The following HOXB3 variants were observed in gnomAD, a reference collection of about 807,000 sequenced individuals.
The protein encoded by HOXB3 is homeobox B3.
HOXB3 carries 17 observed loss-of-function variants against 29.2 expected under a neutral mutation model. The observed-to-expected ratio is 0.58, with a 90% CI of 0.40 to 0.87. The LOEUF is 0.87. HOXB3 is among the 40% of genes least tolerant of loss of function. The probability of loss-of-function intolerance (pLI) is 0.00; values close to 1 mark genes in which losing one functional copy is unlikely to be tolerated. For missense variants in HOXB3, 637 were observed against 616.3 expected, an observed-to-expected ratio of 1.03 and a Z score of -0.35; for synonymous variants, 317 against 285.9, an observed-to-expected ratio of 1.11 and a Z score of -1.10.
intron 1 of HOXB3, among the ~76,000 whole-genome samples, chr17:48,577,290 G>GCT (rs1413468914): frequency 6.6e-6 from 1 of 152,102 alleles, no homozygotes; most frequent in Non-Finnish European, 1.5e-5. Context: ...GGTTTTAATT[G>GCT]CTCCTCTCTC....
At chr17:48,562,958 C>T (rs2069250262) in intron 2 of HOXB3, among the ~76,000 whole-genome samples, 1 of 152,220 alleles carries the variant, frequency 6.6e-6, no homozygotes, top group African/African-American at 2.4e-5. Flanking sequence ...TTGCTCCCCA[C>T]TCCCAAACAG....
At chr17:48,567,500 G>A (rs528054163) in intron 2 of HOXB3, among the ~76,000 whole-genome samples, 1 of 152,306 alleles carries the variant, frequency 6.6e-6, no homozygotes, top group Admixed American at 6.5e-5. Context: ...TTGGGGCACA[G>A]TGCAGAACAT....
intron 2 of HOXB3, among the ~76,000 whole-genome samples, chr17:48,561,216 A>ACACACACACACACAC (rs2069185472): frequency 6.6e-6 from 1 of 151,756 alleles, no homozygotes; most frequent in Non-Finnish European, 1.5e-5. Context: ...ACACACACAC[A>ACACACACACACACAC]CACACACACA....
At chr17:48,551,251 T>G in intron 4 of HOXB3, 70 bp from the exon 5 acceptor site, 1 of 1,251,040 alleles carries the variant, frequency 8.0e-7, no homozygotes. Flanking sequence ...CACGCCGAAA[T>G]TGAATGCATC....
At chr17:48,551,593 C>T (rs1298121872) in intron 4 of HOXB3, among the ~76,000 whole-genome samples, 2 of 152,224 alleles carry the variant, frequency 1.3e-5, no homozygotes, top group African/African-American at 4.8e-5. Flanking sequence ...GGAGAATCCT[C>T]GGGGTAATCT....
intron 2 of HOXB3, chr17:48,556,343 G>A (rs759120897): frequency 1.9e-4 from 29 of 152,418 alleles, no homozygotes; most frequent in Non-Finnish European, 3.7e-4. Flanking sequence ...TGAGGGTGCC[G>A]GGTGCCCCTC....
intron 2 of HOXB3, among the ~76,000 whole-genome samples, chr17:48,556,076 A>G (rs1385462738): frequency 6.6e-6 from 1 of 151,856 alleles, no homozygotes; most frequent in Non-Finnish European, 1.5e-5. Context: ...GATGGTGGTG[A>G]TGGGGAAGGG....
In HOXB3 at chr17:48,556,011, A is replaced by AC. The variant is rs113409978; in HGVS notation, c.-246-394dup. On this transcript the variant is annotated intron_variant, in intron 2 of 4. Transcript: ENST00000498678. Reference sequence around the variant, plus strand: ...CACACTCACTCACACACAAGCTCACACCCCCCCACCTCTCCCCCTTTAGCA... The same window carrying AC: ...CACACTCACTCACACACAAGCTCACACCCCCCCCACCTCTCCCCCTTTAGCA... 1.6e-3 allele frequency among the ~76,000 whole-genome samples: 239 copies of AC among 147,418 alleles called. 2 individuals are homozygous for AC. The highest frequency in any genetic ancestry group is 5.2e-3 in the South Asian group (24 of 4,596).
In HOXB3 at chr17:48,552,213, C is replaced by T. The variant is rs1457503212; in HGVS notation, c.262G>A (p.Gly88Ser). ...LAPEPLSAPPGSPPPSAAPTS... is the reference protein window; with the variant it reads ...LAPEPLSAPPSSPPPSAAPTS... ...GGTGCGGCACTGGGCGGGGGTGAGC[C>T]AGGCGGGGCCGACAGGGGCTCGGGG... is the stretch of plus-strand genomic sequence containing the variant. Residue 88 changes from glycine to serine, a missense_variant, in exon 4 of 5, where the codon GGC becomes AGC. Gly to Ser is a moderately conservative substitution (Grantham distance 56). Transcript: ENST00000498678. The T allele has an allele frequency of 6.2e-7, 1 of 1,613,036 alleles. No homozygotes were observed.
chr17:48,576,705 T>G, intron 1 of HOXB3: 5 of 1,297,108 alleles, frequency 3.9e-6, no homozygotes, highest in Non-Finnish European at 5.1e-6. Flanking sequence ...GGTTCGTGGC[T>G]CCCGCGTGCG....
In HOXB3 at chr17:48,552,135, G is replaced by T. The variant is rs746268204; in HGVS notation, c.340C>A (p.Pro114Thr). The T allele has an allele frequency of 1.9e-6, 3 of 1,614,034 alleles. No individual in the cohort carries two copies. The highest frequency in any genetic ancestry group is 1.7e-6 in the Non-Finnish European group (2 of 1,179,946). The change falls in exon 4 of 5, where the codon CCC (proline) becomes ACC (threonine). Residue 114 changes from proline to threonine, a missense_variant. Pro to Thr is a conservative substitution (Grantham distance 38). Coordinates refer to ENST00000498678, the MANE Select transcript of HOXB3 (RefSeq NM_001384749.1). ...TTGGTGCCGGGACCGCACTTTGGGGGACCACTTTTGCTGGGCCCGCCCCCA... is the reference window on the plus strand; with the variant it reads ...TTGGTGCCGGGACCGCACTTTGGGGTACCACTTTTGCTGGGCCCGCCCCCA... ...SNGGGPSKSG[P>T]PKCGPGTNST...
Position 48,550,018 on chromosome 17 carries a change from GTCTCGTCTTCC to G in HOXB3, c.*305_*315del. 1 of 313,546 alleles carries G rather than the reference GTCTCGTCTTCC, an allele frequency of 3.2e-6. No homozygotes were observed. The highest frequency in any genetic ancestry group is 6.8e-5 in the East Asian group (1 of 14,624). 19.4% of individuals were successfully genotyped at this position (313,546 alleles called of 1,614,324 possible). ...AAAATGTGCTTTTCTGCCTCGTCCT[GTCTCGTCTTCC>G]TCTACCCCACTCCCGGGCGTGGAAT... On this transcript the variant is annotated 3_prime_UTR_variant, in exon 5 of 5. Transcript: ENST00000498678.
chr17:48,554,622 C>T lies in HOXB3; in HGVS notation c.-159+909G>A, dbSNP rs541703259. 5.7e-6 allele frequency: 4 copies of T among 701,770 alleles called. No individual in the cohort carries two copies. The African/African-American group carries it at 7.0e-5, about 12-fold the overall frequency. 43.5% of individuals were successfully genotyped at this position (701,770 alleles called of 1,614,324 possible). A position where few individuals can be genotyped will look rare whatever the true frequency, so the allele number is the denominator to read the frequency against. On this transcript the variant is annotated intron_variant, in intron 3 of 4. Transcript: ENST00000498678. This position sits in a 1 kb window ranked among gnomAD's most constrained non-coding sequence, Gnocchi z 4.1. The stretch of plus-strand genomic sequence containing the variant: ...GCCGCGGCGACTGGCGACAAGCTAC[C>T]AGCCACCTACGATGGCCCAAGGAGG...
Position 48,552,026 on chromosome 17 carries a change from C to A in HOXB3, c.448+1G>T. On this transcript the variant is annotated splice_donor_variant, in intron 4 of 4. Coordinates refer to ENST00000498678, the MANE Select transcript of HOXB3 (RefSeq NM_001384749.1). LOFTEE classifies it high-confidence loss of function. ...GGACAAGGAAGGCAGAGAACTGGTA[C>A]CTGTGCCGGGGGAGTTGTTTTTCAG... The A allele has an allele frequency of 1.3e-6, 2 of 1,562,990 alleles. No individual in the cohort carries two copies. The highest frequency in any genetic ancestry group is 1.7e-6 in the Non-Finnish European group (2 of 1,149,742).
intron 2 of HOXB3, among the ~76,000 whole-genome samples, chr17:48,567,316 G>C (rs574991195): frequency 2.0e-5 from 3 of 152,178 alleles, no homozygotes; most frequent in African/African-American, 4.8e-5. Context: ...ACCTGGGCGC[G>C]GCGTTGCTCT....
Position 48,550,314 on chromosome 17 carries a change from T to A in HOXB3, c.*20A>T. ...CTCTCTCTTCCTCCCCATCCCCTAA[T>A]CCTCGTTCGCCCTTTCCCATCACAG... On this transcript the variant is annotated 3_prime_UTR_variant, in exon 5 of 5. Transcript: ENST00000498678. 2 of 1,613,506 alleles carry A rather than the reference T, an allele frequency of 1.2e-6. No homozygotes were observed. The highest frequency in any genetic ancestry group is 1.7e-6 in the Non-Finnish European group (2 of 1,179,908).
rs2068664266 is a variant in HOXB3, at chr17:48,550,277, G to A, written c.*57C>T. The A allele has an allele frequency of 3.1e-6, 5 of 1,608,258 alleles. No homozygotes were observed. The Admixed American group carries it at 6.7e-5, about 22-fold the overall frequency. On this transcript the variant is annotated 3_prime_UTR_variant, in exon 5 of 5. Transcript: ENST00000498678. ...TTTCAGACCTCCAGGTTGCCCCCCAGAGCTCCACAGTCTCTCTCTTCCTCC... is the reference window on the plus strand; with the variant it reads ...TTTCAGACCTCCAGGTTGCCCCCCAAAGCTCCACAGTCTCTCTCTTCCTCC...
intron 1 of HOXB3, chr17:48,579,741 AG>A (rs2069884589): frequency 3.5e-6 from 1 of 288,062 alleles, no homozygotes; most frequent in Non-Finnish European, 6.9e-6. Context: ...AGAGGAATAA[AG>A]AGGAAGGAGT....
Position 48,550,825 on chromosome 17 carries a change from T to C in HOXB3, c.805A>G (p.Met269Val), listed in dbSNP as rs369506276. Residue 269 changes from methionine (M) to valine (V), a missense_variant, in exon 5 of 5, where the codon ATG (methionine) becomes GTG (valine). Coordinates refer to ENST00000498678, the MANE Select transcript of HOXB3 (RefSeq NM_001384749.1). ...TTCATGAAGCCGGCCGTGGACTGCATGGGCTGCGGGGGGCTGCCGGCTGGA... is the reference window on the plus strand; with the variant it reads ...TTCATGAAGCCGGCCGTGGACTGCACGGGCTGCGGGGGGCTGCCGGCTGGA... ...PSPAGSPPQP[M>V]QSTAGFMNAL... is the part of the protein sequence containing the mutation. The C allele has an allele frequency of 3.1e-6, 5 of 1,613,666 alleles. No homozygotes were observed. The highest frequency in any genetic ancestry group is 4.2e-6 in the Non-Finnish European group (5 of 1,179,836).
Sources: allele counts gnomAD v4.1 joint callset (sites outside exome capture counted in the v4.1 genomes callset), GRCh38; gene constraint gnomAD v4.1.1; non-coding constraint Gnocchi (gnomAD v3.1); transcripts MANE v1.5; gene names NCBI Gene and HGNC (gene_info 2026-07-23, HGNC 2026-07-21).